NSG1: variants seen among roughly 807,000 people sequenced by gnomAD.
NSG1 encodes neuronal vesicle trafficking associated 1.
Under a neutral mutation model 19.3 loss-of-function variants are expected in NSG1, and 9 were observed. The ratio of observed to expected loss-of-function variants is 0.47; its 90% CI spans 0.28 to 0.81. NSG1 has a LOEUF of 0.81. Ranked by LOEUF, NSG1 falls within the 40% of genes least tolerant of loss-of-function variation. NSG1 has a pLI of 0.11. For missense variants in NSG1, 236 were observed against 242.4 expected (o/e 0.97, Z 0.18); for synonymous variants, 104 against 107.0 (o/e 0.97, Z 0.17).
chr4:4,387,319 G>A, intron 1 of NSG1, 146 bp downstream of exon 1: 1 of 328,532 alleles, frequency 3.0e-6, no homozygotes, highest in Middle Eastern at 8.6e-4. Context: ...CAGGACCGGG[G>A]ACCGGGTCTG....
intron 3 of NSG1, among the ~76,000 whole-genome samples, chr4:4,403,229 A>G (rs557140994): frequency 6.6e-5 from 10 of 152,264 alleles, no homozygotes; most frequent in African/African-American, 2.2e-4. Flanking sequence ...GTAACAAATT[A>G]CCACCCATGC....
chr4:4,417,580 T>C lies in NSG1; in HGVS notation c.*145T>C. 6.0e-6 allele frequency: 5 copies of C among 829,766 alleles called. No homozygotes were observed. Among genetic ancestry groups the C allele is most frequent in the Non-Finnish European group, 7.4e-6 (4 of 538,718 alleles). 51.4% of individuals were successfully genotyped at this position (829,766 alleles called of 1,614,324 possible). A position where few individuals can be genotyped will look rare whatever the true frequency, so the allele number is the denominator to read the frequency against. The stretch of plus-strand genomic sequence containing the variant: ...CTGTTTGCTAATGCTGCTTTGCAAA[T>C]AAAACTTGCTGCCGACCACCCACGG... On this transcript the variant is annotated 3_prime_UTR_variant, in exon 5 of 5. Coordinates refer to ENST00000621129, the MANE Select transcript of NSG1 (RefSeq NM_014392.5).
At chr4:4,396,728 T>G (rs1242749801) in intron 3 of NSG1, among the ~76,000 whole-genome samples, 1 of 126,302 alleles carries the variant, frequency 7.9e-6, no homozygotes, top group Non-Finnish European at 1.7e-5. Flanking sequence ...GTGTGTTCCC[T>G]AATGACCTTG....
At chr4:4,395,600 T>C (rs769574954) in intron 3 of NSG1, among the ~76,000 whole-genome samples, 2 of 152,108 alleles carry the variant, frequency 1.3e-5, no homozygotes, top group Non-Finnish European at 2.9e-5. Context: ...ACGGGCATGA[T>C]GGAGGGTCCG....
chr4:4,387,881 C>T (rs1320523669), intron 2 of NSG1, 123 bp downstream of exon 2: 3 of 811,394 alleles, frequency 3.7e-6, no homozygotes, highest in African/African-American at 1.7e-5. Context: ...CTCGGGAGGC[C>T]GGAGGGAGCG....
intron 3 of NSG1, among the ~76,000 whole-genome samples, chr4:4,394,872 C>T (rs371352892): frequency 2.0e-5 from 3 of 152,196 alleles, no homozygotes; most frequent in Non-Finnish European, 2.9e-5. Context: ...AAGCCTCTCT[C>T]GGGGCCATGC....
At chr4:4,400,340 C>T (rs1723484055) in intron 3 of NSG1, among the ~76,000 whole-genome samples, 1 of 152,156 alleles carries the variant, frequency 6.6e-6, no homozygotes, top group Non-Finnish European at 1.5e-5. Context: ...TATGCTAATA[C>T]CACTCCGTTT....
chr4:4,397,129 A>C (rs771866739), intron 3 of NSG1, among the ~76,000 whole-genome samples: 104 of 148,278 alleles, frequency 7.0e-4, no homozygotes, highest in Non-Finnish European at 1.5e-3. Flanking sequence ...GTCGGGATTC[A>C]TCTTCTTTTT....
At chr4:4,412,261 C>T (rs1368101726) in intron 4 of NSG1, among the ~76,000 whole-genome samples, 1 of 151,950 alleles carries the variant, frequency 6.6e-6, no homozygotes, top group Non-Finnish European at 1.5e-5. Flanking sequence ...CCAAGTCCCG[C>T]TGGATACCTG....
At chr4:4,415,164 C>T (rs1724452086) in intron 4 of NSG1, among the ~76,000 whole-genome samples, 1 of 152,140 alleles carries the variant, frequency 6.6e-6, no homozygotes, top group African/African-American at 2.4e-5. Flanking sequence ...CACCCTCAGC[C>T]TCCCAAAGTG....
chr4:4,398,913 A>G (rs1390963604), intron 3 of NSG1, among the ~76,000 whole-genome samples: 5 of 152,138 alleles, frequency 3.3e-5, no homozygotes, highest in African/African-American at 4.8e-5. Flanking sequence ...GCAATGCACA[A>G]TGGTTTCAAT....
intron 4 of NSG1, among the ~76,000 whole-genome samples, chr4:4,410,152 C>T (rs1724095632): frequency 6.6e-6 from 1 of 152,144 alleles, no homozygotes; most frequent in Non-Finnish European, 1.5e-5. Flanking sequence ...GGGAGCAGGG[C>T]TGGGGGGCAC....
chr4:4,407,896 G>A (rs1577291737), intron 3 of NSG1, among the ~76,000 whole-genome samples: 1 of 152,306 alleles, frequency 6.6e-6, no homozygotes, highest in South Asian at 2.1e-4. Flanking sequence ...GCTGGGGCCT[G>A]AGCGGCTTGC....
In NSG1 at chr4:4,417,432, T is replaced by C. The variant is rs1449286361; in HGVS notation, c.555T>C (p.Ala185=). The part of the protein sequence containing the change: ...EQETEAAEKS[A] ...AGACTGAAGCGGCTGAGAAGTCAGC[T>C]TAGCGGGATGGGCAAGTTCCTTACA... is the stretch of plus-strand genomic sequence containing the variant. Residue 185 remains alanine (A), a synonymous_variant, in exon 5 of 5, where the codon GCT becomes GCC. Coordinates refer to ENST00000621129, the MANE Select transcript of NSG1 (RefSeq NM_014392.5). The C allele has an allele frequency of 3.7e-6, 6 of 1,614,046 alleles. No homozygotes were observed. The highest frequency in any genetic ancestry group is 4.2e-6 in the Non-Finnish European group (5 of 1,180,000).
At chr4:4,401,769 G>A (rs1468940335) in intron 3 of NSG1, among the ~76,000 whole-genome samples, 1 of 152,086 alleles carries the variant, frequency 6.6e-6, no homozygotes, top group Non-Finnish European at 1.5e-5. Flanking sequence ...AGGTGCTTTG[G>A]CCATCATGGA....
intron 3 of NSG1, among the ~76,000 whole-genome samples, chr4:4,392,961 C>G (rs921722305): frequency 2.2e-4 from 34 of 152,144 alleles, no homozygotes; most frequent in African/African-American, 8.2e-4. Flanking sequence ...AGGACCAAGA[C>G]ATACTGATCC....
At position 4,415,882 on chromosome 4, in the gene NSG1, TTGTC is replaced by T. The variant is rs1476265367; in HGVS notation, c.358-1350_358-1347del. On this transcript the variant is annotated intron_variant, in intron 4 of 4. Coordinates refer to ENST00000621129, the MANE Select transcript of NSG1 (RefSeq NM_014392.5). ...CGTGGCGGTGAGGCTGGAGGGGAGT[TTGTC>T]TGGCCTGCAGAGCCTCCTTCCTGAT... The T allele has an allele frequency of 6.6e-5, 36 of 545,260 alleles. 1 individual carries two copies. The highest frequency in any genetic ancestry group is 4.7e-4 in the East Asian group (15 of 31,644). 33.8% of individuals were successfully genotyped at this position (545,260 alleles called of 1,614,324 possible).
At chr4:4,408,308 G>A (rs1270434340) in intron 3 of NSG1, among the ~76,000 whole-genome samples, 1 of 152,198 alleles carries the variant, frequency 6.6e-6, no homozygotes, top group East Asian at 1.9e-4. Context: ...GGGAGGGGCG[G>A]TGGGGAGCGA....
intron 4 of NSG1, among the ~76,000 whole-genome samples, chr4:4,413,954 G>A (rs146818611): frequency 2.0e-5 from 3 of 152,112 alleles, no homozygotes; most frequent in Non-Finnish European, 4.4e-5. Context: ...CGATGTCATG[G>A]AGAGGGAGCA....
Sources: gnomAD v4.1 joint callset for allele counts (sites outside exome capture counted in the v4.1 genomes callset) on GRCh38, gnomAD v4.1.1 for gene constraint, MANE v1.5 for transcripts, NCBI Gene and HGNC (gene_info 2026-07-23, HGNC 2026-07-21) for gene names.